The following UGGT1 variants were observed in gnomAD, a reference collection of about 807,000 sequenced individuals.
The protein encoded by UGGT1 is UDP-glucose:glycoprotein glucosyltransferase 1.
A neutral mutation model predicts 203.9 loss-of-function variants in UGGT1; 107 were observed. The ratio of observed to expected loss-of-function variants is 0.52; its 90% CI spans 0.45 to 0.62. The LOEUF is 0.62. UGGT1 is among the 20% of genes least tolerant of loss of function. The probability of loss-of-function intolerance (pLI) is 0.00; values close to 1 mark genes in which losing one functional copy is unlikely to be tolerated. For missense variants in UGGT1, 1,673 were observed against 1,867.2 expected, an observed-to-expected ratio of 0.90 and a Z score of 1.92; for synonymous variants, 628 against 653.5, an observed-to-expected ratio of 0.96 and a Z score of 0.59.
intron 5 of UGGT1, among the ~76,000 whole-genome samples, chr2:128,111,741 C>T (rs971379060): frequency 7.9e-5 from 12 of 152,016 alleles, no homozygotes; most frequent in East Asian, 7.9e-4. Context: ...GTGATCCGCC[C>T]GCCTCGGCCT....
chr2:128,097,521 C>T lies in UGGT1; in HGVS notation c.151C>T (p.Leu51Phe). Residue 51 changes from leucine (L) to phenylalanine (F), a missense_variant, in exon 2 of 41, where the codon CTT (leucine) becomes TTT (phenylalanine). By Grantham distance (22) the Leu-to-Phe change is conservative. This residue lies in a region of UGGT1 where 83 missense variants were observed against 87.2 expected (regional missense o/e 0.95). Transcript: ENST00000259253. ...KADSKAITTS[L>F]TTKWFSTPLL... ...CGACTCAAAAGCCATTACAACCTCT[C>T]TTACAACAAAATGGTTTTCCACTCC... is the stretch of plus-strand genomic sequence containing the variant. 2.5e-6 allele frequency: 4 copies of T among 1,614,198 alleles called. No individual in the cohort carries two copies. The highest frequency in any genetic ancestry group is 2.2e-5 in the South Asian group (2 of 91,088).
At chr2:128,166,792 T>G (rs1690815611) in intron 26 of UGGT1, among the ~76,000 whole-genome samples, 1 of 152,238 alleles carries the variant, frequency 6.6e-6, no homozygotes, top group Non-Finnish European at 1.5e-5. Flanking sequence ...ACATATACAC[T>G]GATTGTGCCT....
rs1212663439 is a variant in UGGT1, at chr2:128,160,441, A to G, written c.2563-19A>G. ...GCTTAGTAACGACTATTTTTCCTTA[A>G]TAATGATTACTTTCCTAGGGAATGG... is the stretch of plus-strand genomic sequence containing the variant. On this transcript the variant is annotated intron_variant, in intron 23 of 40. Coordinates refer to ENST00000259253, the MANE Select transcript of UGGT1 (RefSeq NM_020120.4). The G allele has an allele frequency of 1.9e-6, 3 of 1,581,476 alleles. No homozygotes were observed. Among genetic ancestry groups the G allele is most frequent in the Non-Finnish European group, 2.6e-6 (3 of 1,167,226 alleles).
In UGGT1 at chr2:128,091,387, G is replaced by C. The variant is rs1235328990; in HGVS notation, c.30G>C (p.Ala10=). 1.3e-6 allele frequency: 2 copies of C among 1,576,936 alleles called. No homozygotes were observed. The highest frequency in any genetic ancestry group is 1.3e-5 in the African/African-American group (1 of 74,166). MGCKGDASG[A]CAAGALPVTG... is the part of the protein sequence containing the mutation. ...GCTGCAAGGGAGACGCGAGCGGTGC[G>C]TGTGCCGCGGGTGCGCTGCCGGTGA... The change falls in exon 1 of 41, where the codon GCG becomes GCC. Residue 10 remains alanine (A), a synonymous_variant. Coordinates refer to ENST00000259253, the MANE Select transcript of UGGT1 (RefSeq NM_020120.4).
chr2:128,162,737 G>A (rs1010783806), intron 25 of UGGT1, among the ~76,000 whole-genome samples: 6 of 152,162 alleles, frequency 3.9e-5, no homozygotes, highest in African/African-American at 1.2e-4. Flanking sequence ...CACAGGCATA[G>A]GCTTGGTGTG....
Position 128,138,713 on chromosome 2 carries a change from C to T in UGGT1, c.1584-4C>T. On this transcript the variant is annotated splice_region_variant and splice_polypyrimidine_tract_variant and intron_variant, in intron 15 of 40. Coordinates refer to ENST00000259253, the MANE Select transcript of UGGT1 (RefSeq NM_020120.4). ...TTCTTTTTTTCTTTTCCCTTTCCCT[C>T]CAGAATTGGTTTTATCTTTGTGGTT... The T allele has an allele frequency of 6.2e-7, 1 of 1,607,974 alleles. No individual in the cohort carries two copies. The highest frequency in any genetic ancestry group is 2.2e-5 in the East Asian group (1 of 44,838).
At chr2:128,179,300 G>A (rs1691564249) in intron 34 of UGGT1, among the ~76,000 whole-genome samples, 1 of 152,168 alleles carries the variant, frequency 6.6e-6, no homozygotes, top group Admixed American at 6.5e-5. Flanking sequence ...CAAAAATGTG[G>A]TTTTGTTTTC....
chr2:128,163,636 AC>A (rs535478617), intron 25 of UGGT1, among the ~76,000 whole-genome samples: 335 of 151,522 alleles, frequency 2.2e-3, no homozygotes, highest in Admixed American at 4.9e-3. Context: ...AATGGCGTGA[AC>A]CCGGGAGGCA....
At chr2:128,157,840 A>G (rs943707303) in intron 22 of UGGT1, among the ~76,000 whole-genome samples, 1 of 152,216 alleles carries the variant, frequency 6.6e-6, no homozygotes, top group Non-Finnish European at 1.5e-5. Context: ...GTGAGTGGCA[A>G]TGGCAGGTGG....
At position 128,169,619 on chromosome 2, in the gene UGGT1, TG is replaced by T. The variant is rs1346787557; in HGVS notation, c.2922-668del. ...TTGGTTGTACAAATTGTTTACAGGTTGAAAGCCATCTCTATGTCCAGCAGTA... is the reference window on the plus strand; with the variant it reads ...TTGGTTGTACAAATTGTTTACAGGTTAAAGCCATCTCTATGTCCAGCAGTA... On this transcript the variant is annotated intron_variant, in intron 26 of 40. Transcript: ENST00000259253. 2.3e-4 allele frequency among the ~76,000 whole-genome samples: 35 copies of T among 152,228 alleles called. 1 individual carries two copies. The highest frequency in any genetic ancestry group is 2.9e-5 in the Non-Finnish European group (2 of 68,038).
rs1558804987 is a variant in UGGT1 at position 128,159,521 on chromosome 2, G to A, written c.2363G>A (p.Ser788Asn). 3 of 1,613,996 alleles carry A rather than the reference G, an allele frequency of 1.9e-6. No individual in the cohort carries two copies. Among genetic ancestry groups the A allele is most frequent in the Non-Finnish European group, 2.5e-6 (3 of 1,179,896 alleles). Residue 788 changes from serine (S) to asparagine (N), a missense_variant, in exon 23 of 41, where the codon AGT becomes AAT. This residue lies in a region of UGGT1 where 1,073 missense variants were observed against 1,078.7 expected (regional missense o/e 0.99). Transcript: ENST00000259253. ...TTCCCATTTTGTGAACAGAAATCCAGTAACAATGTTAGAATAAGCATGATC... is the reference window on the plus strand; with the variant it reads ...TTCCCATTTTGTGAACAGAAATCCAATAACAATGTTAGAATAAGCATGATC... ...LYDAIKHQKS[S>N]NNVRISMINN...
Position 128,145,911 on chromosome 2 carries a change from A to G in UGGT1, c.1960A>G (p.Ile654Val). ...GCTAGACCCTGATGAGTTAGAAACC[A>G]TCACAATGCATAAAATCCTGGAGAC... ...EQLDPDELET[I>V]TMHKILETTT... Residue 654 changes from isoleucine (I) to valine (V), a missense_variant, in exon 18 of 41, where the codon ATC becomes GTC. Physicochemically the swap from Ile to Val is conservative, Grantham distance 29 (BLOSUM62 3). This residue lies in a region of UGGT1 where 1,073 missense variants were observed against 1,078.7 expected (regional missense o/e 0.99). Transcript: ENST00000259253. 1 of 1,614,196 alleles carries G rather than the reference A, an allele frequency of 6.2e-7. No homozygotes were observed. Among genetic ancestry groups the G allele is most frequent in the Non-Finnish European group, 8.5e-7 (1 of 1,180,020 alleles).
At chr2:128,091,461 T>C (rs1403412625) in intron 1 of UGGT1, 46 bp downstream of exon 1, 2 of 1,555,522 alleles carry the variant, frequency 1.3e-6, no homozygotes, top group Non-Finnish European at 1.7e-6. Flanking sequence ...AAGAGAGGGT[T>C]TGGGGCACAA....
At chr2:128,156,297 G>A (rs560293233) in intron 20 of UGGT1, 95 bp from the exon 21 acceptor site, 21 of 919,720 alleles carry the variant, frequency 2.3e-5, no homozygotes, top group Non-Finnish European at 3.8e-5. Flanking sequence ...ACCATAGACC[G>A]TGTTAGCCAT....
chr2:128,094,534 T>C (rs1438017211), intron 1 of UGGT1, among the ~76,000 whole-genome samples: 6 of 152,146 alleles, frequency 3.9e-5, no homozygotes, highest in Non-Finnish European at 7.3e-5. Context: ...TCTTCGAGAC[T>C]AAGGGCCTGG....
intron 13 of UGGT1, among the ~76,000 whole-genome samples, chr2:128,131,016 T>A (rs990654736): frequency 1.5e-4 from 22 of 151,420 alleles, no homozygotes; most frequent in Admixed American, 1.3e-3. Flanking sequence ...GTGGATCATT[T>A]GAGGTGAGGA....
At chr2:128,135,699 T>C (rs554838167) in intron 15 of UGGT1, among the ~76,000 whole-genome samples, 54 of 152,346 alleles carry the variant, frequency 3.5e-4, no homozygotes, top group Admixed American at 8.5e-4. Context: ...TAGGGAGATA[T>C]ATGATCAACT....
At chr2:128,138,947 A>G in intron 16 of UGGT1, 95 bp downstream of exon 16, 4 of 1,511,022 alleles carry the variant, frequency 2.6e-6, no homozygotes, top group Non-Finnish European at 3.6e-6. Context: ...GCTGGGGTGT[A>G]TAGAGCTCAG....
intron 9 of UGGT1, 142 bp from the exon 10 acceptor site, chr2:128,121,057 A>G: frequency 1.3e-6 from 1 of 756,612 alleles, no homozygotes; most frequent in Non-Finnish European, 2.2e-6. Context: ...CTGAAATTAA[A>G]TCATGGGCAC....
Sources: allele counts gnomAD v4.1 joint callset (sites outside exome capture counted in the v4.1 genomes callset), GRCh38; gene constraint gnomAD v4.1.1; regional missense constraint gnomAD v4.1.1; transcripts MANE v1.5; gene names NCBI Gene and HGNC (gene_info 2026-07-23, HGNC 2026-07-21).